Variants in LRRC4C observed in about 807,000 individuals in gnomAD.
LRRC4C encodes the protein leucine rich repeat containing 4C, also known as leucine-rich repeat-containing protein 4C.
Under a neutral mutation model 33.6 loss-of-function variants are expected in LRRC4C, and 5 were observed. The observed-to-expected ratio is 0.15, with a 90% CI of 0.08 to 0.31. The LOEUF is 0.31. Among genes scored for constraint, LRRC4C ranks in the 10% least tolerant of loss-of-function variants. The probability of loss-of-function intolerance (pLI) is 1.00; values close to 1 mark genes in which losing one functional copy is unlikely to be tolerated. For missense variants in LRRC4C, 560 were observed against 796.7 expected, an observed-to-expected ratio of 0.70 and a Z score of 3.58; for synonymous variants, 329 against 302.0, an observed-to-expected ratio of 1.09 and a Z score of -0.93.
At chr11:41,393,917 T>C (rs1289745830) in intron 1 of LRRC4C, among the ~76,000 whole-genome samples, 4 of 151,986 alleles carry the variant, frequency 2.6e-5, no homozygotes, top group African/African-American at 9.7e-5. Flanking sequence ...CTAGTCTATA[T>C]GTGTATTAAT....
At chr11:41,204,998 C>G (rs931601316) in intron 1 of LRRC4C, among the ~76,000 whole-genome samples, 13 of 152,204 alleles carry the variant, frequency 8.5e-5, no homozygotes, top group African/African-American at 2.9e-4. Context: ...TAAAGACTTA[C>G]AGTCTAAAAA....
intron 1 of LRRC4C, among the ~76,000 whole-genome samples, chr11:41,348,775 G>A (rs777507078): frequency 2.6e-5 from 4 of 152,152 alleles, no homozygotes; most frequent in Non-Finnish European, 4.4e-5. Flanking sequence ...TGGGGAAGGG[G>A]TCAACGAAAT....
chr11:40,442,261 G>A (rs1366535579), intron 3 of LRRC4C, among the ~76,000 whole-genome samples: 1 of 147,984 alleles, frequency 6.8e-6, no homozygotes, highest in Non-Finnish European at 1.5e-5. Context: ...TGAAATTATT[G>A]AGTATATGAA....
intron 3 of LRRC4C, among the ~76,000 whole-genome samples, chr11:40,577,038 T>C (rs72886958): frequency 0.011 from 1,634 of 152,312 alleles, 25 homozygotes; most frequent in African/African-American, 0.026. Context: ...CTCTGTAATG[T>C]AAACCTGTGT....
intron 1 of LRRC4C, among the ~76,000 whole-genome samples, chr11:41,167,395 G>A (rs1057370972): frequency 6.6e-6 from 1 of 152,160 alleles, no homozygotes; most frequent in Admixed American, 6.5e-5. Flanking sequence ...TTTGGAGAGA[G>A]AACATAGACT....
chr11:41,111,002 G>A (rs897110738), intron 1 of LRRC4C, among the ~76,000 whole-genome samples: 1 of 151,924 alleles, frequency 6.6e-6, no homozygotes, highest in Non-Finnish European at 1.5e-5. Context: ...GAAGTTCTCA[G>A]AGATGCAGAT....
intron 1 of LRRC4C, among the ~76,000 whole-genome samples, chr11:41,452,244 G>T (rs1590328129): frequency 6.6e-6 from 1 of 152,138 alleles, no homozygotes; most frequent in African/African-American, 2.4e-5. Context: ...TCTGTGACTT[G>T]TTACCTAAAG....
chr11:41,189,764 T>C (rs565363139), intron 1 of LRRC4C, among the ~76,000 whole-genome samples: 8 of 152,222 alleles, frequency 5.3e-5, no homozygotes, highest in African/African-American at 1.9e-4. Context: ...AAGACAAAGG[T>C]GCAATGAGAA....
intron 1 of LRRC4C, among the ~76,000 whole-genome samples, chr11:41,345,305 A>G (rs182721038): frequency 2.9e-4 from 44 of 152,350 alleles, no homozygotes; most frequent in African/African-American, 1.0e-3. Flanking sequence ...AAATGGAAGA[A>G]GATTGGTAGC....
intron 3 of LRRC4C, among the ~76,000 whole-genome samples, chr11:40,513,607 C>T (rs1423687467): frequency 6.6e-6 from 1 of 152,090 alleles, no homozygotes; most frequent in East Asian, 1.9e-4. Flanking sequence ...AGGGCCAGGG[C>T]AGGGTTGCAT....
intron 2 of LRRC4C, among the ~76,000 whole-genome samples, chr11:40,855,584 T>A (rs534393599): frequency 6.6e-6 from 1 of 152,136 alleles, no homozygotes; most frequent in Non-Finnish European, 1.5e-5. Flanking sequence ...AGTTTTAAAA[T>A]CTCCATGGGA....
intron 1 of LRRC4C, among the ~76,000 whole-genome samples, chr11:41,091,881 G>A (rs1393464270): frequency 3.3e-5 from 5 of 152,076 alleles, no homozygotes; most frequent in Non-Finnish European, 7.4e-5. Flanking sequence ...AGTAATGTAT[G>A]CAAGTTCTCA....
chr11:40,611,607 C>T (rs1442597250), intron 3 of LRRC4C, among the ~76,000 whole-genome samples: 1 of 151,682 alleles, frequency 6.6e-6, no homozygotes, highest in Non-Finnish European at 1.5e-5. Flanking sequence ...TATTTGCAAA[C>T]CACATATCTG....
At position 40,395,724 on chromosome 11, in the gene LRRC4C, T is replaced by C. The variant is rs1256240228; in HGVS notation, c.-269-76003A>G. On this transcript the variant is annotated intron_variant, in intron 3 of 6. Transcript: ENST00000528697. Reference sequence around the variant, plus strand: ...ATTTCTGGACGGGTGCAGTGGCTCATGCCTGTAATCCCTACACTTTGGGAG... The same window carrying C: ...ATTTCTGGACGGGTGCAGTGGCTCACGCCTGTAATCCCTACACTTTGGGAG... Among the ~76,000 whole-genome samples the C allele has an allele frequency of 3.3e-5, 5 of 152,228 alleles. No individual in the cohort carries two copies. The East Asian group carries it at 9.7e-4, about 29-fold the overall frequency.
At chr11:40,173,716 G>A (rs528386659) in intron 5 of LRRC4C, among the ~76,000 whole-genome samples, 2 of 152,164 alleles carry the variant, frequency 1.3e-5, no homozygotes, top group African/African-American at 2.4e-5. Context: ...CTAGGAAGAA[G>A]GGGGAAGCAA....
intron 1 of LRRC4C, among the ~76,000 whole-genome samples, chr11:41,332,458 A>G (rs763988883): frequency 1.3e-5 from 2 of 152,042 alleles, no homozygotes; most frequent in Non-Finnish European, 2.9e-5. Context: ...TGCCACTCCA[A>G]CTCTCTGAAG....
intron 4 of LRRC4C, among the ~76,000 whole-genome samples, chr11:40,296,887 G>A (rs928422166): frequency 2.6e-5 from 4 of 152,152 alleles, no homozygotes; most frequent in Non-Finnish European, 5.9e-5. Flanking sequence ...AAAGCATGGA[G>A]AGGACAAAAT....
intron 3 of LRRC4C, among the ~76,000 whole-genome samples, chr11:40,326,254 G>A (rs1286266854): frequency 1.3e-5 from 2 of 152,046 alleles, no homozygotes; most frequent in East Asian, 3.9e-4. Context: ...GGCTTCTTTG[G>A]CAATTATTAT....
intron 2 of LRRC4C, among the ~76,000 whole-genome samples, chr11:40,731,722 A>C (rs1278662737): frequency 6.6e-6 from 1 of 152,192 alleles, no homozygotes; most frequent in East Asian, 1.9e-4. Flanking sequence ...TATGAACAGA[A>C]CAGCCTTGGC....
Sources: gnomAD v4.1 joint callset for allele counts (sites outside exome capture counted in the v4.1 genomes callset) on GRCh38, gnomAD v4.1.1 for gene constraint, MANE v1.5 for transcripts, NCBI Gene and HGNC (gene_info 2026-07-23, HGNC 2026-07-21) for gene names.